The following DNAH14 variants were observed in gnomAD, a reference collection of about 807,000 sequenced individuals.
DNAH14 encodes axonemal beta dynein heavy chain 14.
DNAH14 carries 478 observed loss-of-function variants against 520.9 expected under a neutral mutation model. The ratio of observed to expected loss-of-function variants is 0.92; its 90% CI spans 0.85 to 0.99. DNAH14 has a LOEUF of 0.99. Among genes scored for constraint, DNAH14 ranks in the 50% least tolerant of loss-of-function variants. The pLI is 0.00. For missense variants in DNAH14, 4,831 were observed against 5,234.5 expected, an observed-to-expected ratio of 0.92 and a Z score of 2.38; for synonymous variants, 1,581 against 1,757.2, an observed-to-expected ratio of 0.90 and a Z score of 2.51.
In DNAH14 at chr1:224,951,644, A is replaced by ATTT. The variant is rs67437504; in HGVS notation, c.-33-1004_-33-1002dup. On this transcript the variant is annotated intron_variant, in intron 1 of 85. Transcript: ENST00000682510. Reference sequence around the variant, plus strand: ...TCATACCTACTGTGTAGATTTCTGGATTTTTTTTTTTTTTTTTTTTTTTTG... The same window carrying ATTT: ...TCATACCTACTGTGTAGATTTCTGGATTTTTTTTTTTTTTTTTTTTTTTTTTTG... Among the ~76,000 whole-genome samples, 752 of 80,158 alleles carry ATTT rather than the reference A, an allele frequency of 9.4e-3. 36 individuals are homozygous for ATTT. The highest frequency in any genetic ancestry group is 0.027 in the African/African-American group (500 of 18,734). The allele number at this position is 80,158 out of a possible 152,430, so 52.6% of individuals were successfully genotyped here. A position where few individuals can be genotyped will look rare whatever the true frequency, so the allele number is the denominator to read the frequency against.
intron 43 of DNAH14, among the ~76,000 whole-genome samples, chr1:225,243,960 C>G (rs1466568401): frequency 1.3e-5 from 2 of 151,982 alleles, no homozygotes; most frequent in East Asian, 1.9e-4. Context: ...TTTGCCCAGT[C>G]AGTATGATAT....
At chr1:225,188,859 C>G (rs1023402604) in intron 37 of DNAH14, among the ~76,000 whole-genome samples, 16 of 151,760 alleles carry the variant, frequency 1.1e-4, no homozygotes, top group African/African-American at 3.9e-4. Context: ...TTTCTTCTGC[C>G]AAGTTTTCTA....
At chr1:225,146,978 G>A in intron 30 of DNAH14, 126 bp from the exon 31 acceptor site, 1 of 671,676 alleles carries the variant, frequency 1.5e-6, no homozygotes, top group Non-Finnish European at 2.4e-6. Flanking sequence ...TGCCTAGGAG[G>A]GGGAAATGCA....
intron 76 of DNAH14, among the ~76,000 whole-genome samples, chr1:225,366,344 A>C (rs1445502872): frequency 6.6e-6 from 1 of 152,186 alleles, no homozygotes; most frequent in Non-Finnish European, 1.5e-5. Context: ...ATAAATTATG[A>C]TGTATTTGTG....
chr1:225,047,264 T>G (rs1302184416), intron 15 of DNAH14, among the ~76,000 whole-genome samples: 2 of 152,188 alleles, frequency 1.3e-5, no homozygotes, highest in Non-Finnish European at 2.9e-5. Context: ...TTTCTTTTCC[T>G]TATATCTAAC....
intron 49 of DNAH14, among the ~76,000 whole-genome samples, chr1:225,267,583 C>A (rs1039017709): frequency 2.0e-5 from 3 of 152,114 alleles, no homozygotes; most frequent in African/African-American, 7.2e-5. Context: ...AGCCACCATG[C>A]CCGGCCAGAA....
At chr1:225,362,447 C>T (rs567841332) in intron 75 of DNAH14, among the ~76,000 whole-genome samples, 59 of 151,936 alleles carry the variant, frequency 3.9e-4, no homozygotes, top group African/African-American at 1.4e-3. Context: ...TGGTGGCACA[C>T]GCCTGTAGTC....
At position 225,340,488 on chromosome 1, in the gene DNAH14, C is replaced by G; in HGVS notation, c.10465C>G (p.His3489Asp). ...LYLSTEIDNP[H>D]FLPSVYNFVT... is the part of the protein sequence containing the mutation. ...CTTATCTACAGAAATAGACAACCCC[C>G]ATTTTCTTCCATCAGTTTATAACTT... The change falls in exon 69 of 86, where the codon CAT becomes GAT. Residue 3489 changes from histidine to aspartate, a missense_variant. Transcript: ENST00000682510. The G allele has an allele frequency of 1.9e-6, 3 of 1,550,894 alleles. No homozygotes were observed. The highest frequency in any genetic ancestry group is 1.7e-6 in the Non-Finnish European group (2 of 1,146,488).
At chr1:225,200,539 G>A (rs1479451846) in intron 38 of DNAH14, among the ~76,000 whole-genome samples, 1 of 152,102 alleles carries the variant, frequency 6.6e-6, no homozygotes, top group African/African-American at 2.4e-5. Context: ...TGGCTTGGTA[G>A]TGGTGAATTC....
Position 225,042,916 on chromosome 1 carries a change from CCTG to C in DNAH14, c.1574_1576del (p.Ala525del). 6.4e-7 allele frequency: 1 copy of C among 1,551,602 alleles called. No individual in the cohort carries two copies. Among genetic ancestry groups the C allele is most frequent in the Non-Finnish European group, 8.7e-7 (1 of 1,146,934 alleles). On this transcript the variant is annotated inframe_deletion, in exon 13 of 86. Transcript: ENST00000682510. ...TGAAGTAAATCTATGCTTGAGAATTCCTGCTGAGAGTGATTCTTCAGAAAATTC... is the reference window on the plus strand; with the variant it reads ...TGAAGTAAATCTATGCTTGAGAATTCCTGAGAGTGATTCTTCAGAAAATTC...
intron 11 of DNAH14, among the ~76,000 whole-genome samples, chr1:225,027,069 A>G (rs1348462343): frequency 1.3e-5 from 2 of 152,082 alleles, no homozygotes; most frequent in African/African-American, 4.8e-5. Flanking sequence ...TTGCCAGCAT[A>G]TTGAAATACA....
chr1:225,023,092 G>A (rs1380907506), intron 10 of DNAH14, among the ~76,000 whole-genome samples: 1 of 152,074 alleles, frequency 6.6e-6, no homozygotes, highest in Non-Finnish European at 1.5e-5. Flanking sequence ...CTGCTTGAGG[G>A]AGGAGGGTGA....
chr1:224,944,280 G>A (rs1571934045), intron 1 of DNAH14, among the ~76,000 whole-genome samples: 1 of 152,110 alleles, frequency 6.6e-6, no homozygotes, highest in East Asian at 1.9e-4. Context: ...GATCTTTGTT[G>A]GTTTAAAGTC....
chr1:225,313,418 G>A (rs2094409078), intron 60 of DNAH14, among the ~76,000 whole-genome samples: 1 of 152,080 alleles, frequency 6.6e-6, no homozygotes, highest in African/African-American at 2.4e-5. Flanking sequence ...TGTTTTGAAG[G>A]TTTTCTTGCG....
chr1:225,043,362 G>C (rs1009489686), intron 13 of DNAH14, among the ~76,000 whole-genome samples: 1 of 151,080 alleles, frequency 6.6e-6, no homozygotes, highest in Non-Finnish European at 1.5e-5. Flanking sequence ...ATAGTCTGTT[G>C]TGTCTTCTAA....
intron 1 of DNAH14, among the ~76,000 whole-genome samples, chr1:224,930,125 T>C (rs962044121): frequency 6.6e-5 from 10 of 152,258 alleles, no homozygotes; most frequent in African/African-American, 2.2e-4. Context: ...CGTTCCCTTC[T>C]AGTCCTATAT....
chr1:225,154,038 T>TAA (rs1284297631), intron 34 of DNAH14, among the ~76,000 whole-genome samples: 1 of 151,598 alleles, frequency 6.6e-6, no homozygotes, highest in Non-Finnish European at 1.5e-5. Flanking sequence ...GCCTATTCTT[T>TAA]AAAAAAAAGT....
rs187814448 is a variant in DNAH14 at position 224,998,003 on chromosome 1, T to C, written c.831-4780T>C. 3.4e-4 allele frequency among the ~76,000 whole-genome samples: 52 copies of C among 152,244 alleles called. 1 individual carries two copies. In the East Asian group the frequency reaches 8.9e-3, roughly 26 times the overall value. The stretch of plus-strand genomic sequence containing the variant: ...GGCTACTGAGATTATCTGTTTCACA[T>C]TGGGTGAGTTGTTGTAGTTTGTGTT... On this transcript the variant is annotated intron_variant, in intron 8 of 85. Coordinates refer to ENST00000682510, the MANE Select transcript of DNAH14 (RefSeq NM_001367479.1).
intron 57 of DNAH14, 44 bp downstream of exon 57, chr1:225,303,391 T>G: frequency 6.6e-7 from 1 of 1,506,520 alleles, no homozygotes; most frequent in Non-Finnish European, 8.9e-7. Context: ...ATTGACAGCA[T>G]CTGATGGTAT....
Sources: allele counts gnomAD v4.1 joint callset (sites outside exome capture counted in the v4.1 genomes callset), GRCh38; gene constraint gnomAD v4.1.1; transcripts MANE v1.5; gene names NCBI Gene and HGNC (gene_info 2026-07-23, HGNC 2026-07-21).